PDGFRA: variants seen among roughly 807,000 people sequenced by gnomAD.
PDGFRA encodes the protein platelet-derived growth factor receptor alpha.
A neutral mutation model predicts 121.5 loss-of-function variants in PDGFRA; 25 were observed. The ratio of observed to expected loss-of-function variants is 0.21; its 90% confidence interval spans 0.15 to 0.29. The LOEUF is 0.29. Ranked by LOEUF, PDGFRA falls within the 10% of genes least tolerant of loss-of-function variation. The probability of loss-of-function intolerance (pLI) is 1.00; values close to 1 mark genes in which losing one functional copy is unlikely to be tolerated. For missense variants in PDGFRA, 1,008 were observed against 1,345.1 expected, an observed-to-expected ratio of 0.75 and a Z score of 3.92; for synonymous variants, 463 against 494.8, an observed-to-expected ratio of 0.94 and a Z score of 0.85.
chr4:54,262,056 C>T (rs1722775966), intron 3 of PDGFRA, among the ~76,000 whole-genome samples: 1 of 151,362 alleles, frequency 6.6e-6, no homozygotes, highest in Non-Finnish European at 1.5e-5. Context: ...TTCAGCCTCC[C>T]CAGTAGCTGG....
At chr4:54,254,433 C>T (rs1722237343) in intron 1 of PDGFRA, among the ~76,000 whole-genome samples, 1 of 152,184 alleles carries the variant, frequency 6.6e-6, no homozygotes, top group African/African-American at 2.4e-5. Flanking sequence ...CTTTATATGT[C>T]AGTAAATAAT....
intron 1 of PDGFRA, among the ~76,000 whole-genome samples, chr4:54,232,539 G>A (rs928050285): frequency 6.6e-6 from 1 of 152,178 alleles, no homozygotes; most frequent in East Asian, 1.9e-4. Flanking sequence ...CTCTTGAGGG[G>A]GCAGAGGCGG....
rs1449825367 is a variant in PDGFRA at position 54,290,406 on chromosome 4, A to G, written c.2974A>G (p.Thr992Ala). The G allele has an allele frequency of 1.2e-6, 2 of 1,613,928 alleles. No individual in the cohort carries two copies. The highest frequency in any genetic ancestry group is 4.5e-5 in the East Asian group (2 of 44,882). ...VDSDNAYIGV[T>A]YKNEEDKLKD... ...CTCAGACAATGCATACATTGGTGTC[A>G]CCTACAAAAACGAGGAAGACAAGCT... Residue 992 changes from threonine to alanine, a missense_variant, in exon 22 of 23, where the codon ACC (threonine) becomes GCC (alanine). This residue lies in a region of PDGFRA where 204 missense variants were observed against 243.0 expected (regional missense o/e 0.84). Coordinates refer to ENST00000257290, the MANE Select transcript of PDGFRA (RefSeq NM_006206.6).
At position 54,267,480 on chromosome 4, in the gene PDGFRA, A is replaced by T; in HGVS notation, c.931+20A>T. The stretch of plus-strand genomic sequence containing the variant: ...TCCATGGTACATTCCGCTTTCTAAA[A>T]TGTCAGTTGTCCATGCTGCTCGGGA... On this transcript the variant is annotated intron_variant, in intron 6 of 22. Transcript: ENST00000257290. The T allele has an allele frequency of 6.2e-7, 1 of 1,614,082 alleles. No homozygotes were observed. Among genetic ancestry groups the T allele is most frequent in the Non-Finnish European group, 8.5e-7 (1 of 1,179,946 alleles).
chr4:54,254,627 A>C (rs538679248), intron 1 of PDGFRA, among the ~76,000 whole-genome samples: 1 of 152,354 alleles, frequency 6.6e-6, no homozygotes, highest in South Asian at 2.1e-4. Context: ...TAAATGTGAT[A>C]AAAGCCACGA....
At chr4:54,260,081 G>A (rs976734842) in intron 2 of PDGFRA, among the ~76,000 whole-genome samples, 3 of 152,066 alleles carry the variant, frequency 2.0e-5, no homozygotes, top group African/African-American at 4.8e-5. Flanking sequence ...CTAAATAAGC[G>A]AGACTGAAAT....
rs191188930 is a variant in PDGFRA, at chr4:54,256,174, G to T, written c.-12-2583G>T. 1.5e-3 allele frequency among the ~76,000 whole-genome samples: 226 copies of T among 152,236 alleles called. 1 individual carries two copies. The highest frequency in any genetic ancestry group is 5.5e-3 in the Admixed American group (84 of 15,296). ...AACGCAGGAGGATTGCTTAATCCTAGGAGTTCAAGACCAGCTTGGGCAACA... is the reference window on the plus strand; with the variant it reads ...AACGCAGGAGGATTGCTTAATCCTATGAGTTCAAGACCAGCTTGGGCAACA... On this transcript the variant is annotated intron_variant, in intron 1 of 22. Transcript: ENST00000257290.
chr4:54,249,187 G>C (rs985484565), intron 1 of PDGFRA, among the ~76,000 whole-genome samples: 10 of 152,140 alleles, frequency 6.6e-5, no homozygotes, highest in South Asian at 2.1e-4. Context: ...TGGTTGGTGG[G>C]ACTGTAAACT....
intron 1 of PDGFRA, among the ~76,000 whole-genome samples, chr4:54,240,562 A>G (rs1577674625): frequency 6.6e-6 from 1 of 152,240 alleles, no homozygotes; most frequent in East Asian, 1.9e-4. Flanking sequence ...TAAAGTTATC[A>G]TTTTCTATAA....
At chr4:54,284,493 C>G (rs1190971241) in intron 16 of PDGFRA, among the ~76,000 whole-genome samples, 1 of 151,536 alleles carries the variant, frequency 6.6e-6, no homozygotes, top group Non-Finnish European at 1.5e-5. Context: ...CAGGAAGCTT[C>G]CAATCATGGT....
rs575665949 is a variant in PDGFRA, at chr4:54,260,038, C to G, written c.50-1057C>G. The stretch of plus-strand genomic sequence containing the variant: ...CAGTTCCTTTGCTGCATTGCACTTA[C>G]TCTATTGCAAAAGGAGTAAGTGCAA... On this transcript the variant is annotated intron_variant, in intron 2 of 22. Coordinates refer to ENST00000257290, the MANE Select transcript of PDGFRA (RefSeq NM_006206.6). Among the ~76,000 whole-genome samples, 3 of 152,202 alleles carry G rather than the reference C, an allele frequency of 2.0e-5. No individual in the cohort carries two copies. In the South Asian group the frequency reaches 6.2e-4, roughly 32 times the overall value.
intron 22 of PDGFRA, among the ~76,000 whole-genome samples, chr4:54,293,548 C>T (rs1037403145): frequency 2.6e-5 from 4 of 151,528 alleles, no homozygotes; most frequent in African/African-American, 4.8e-5. Flanking sequence ...CTCATACCTC[C>T]GCCTCCTGAG....
At chr4:54,270,290 A>G (rs1350341163) in intron 7 of PDGFRA, among the ~76,000 whole-genome samples, 1 of 152,232 alleles carries the variant, frequency 6.6e-6, no homozygotes, top group Non-Finnish European at 1.5e-5. Flanking sequence ...TTTTTAAAAA[A>G]GGTAAAAATC....
At chr4:54,267,145 T>C (rs1723070556) in intron 5 of PDGFRA, 144 bp from the exon 6 acceptor site, 1 of 809,456 alleles carries the variant, frequency 1.2e-6, no homozygotes, top group Middle Eastern at 3.5e-4. Context: ...GCCTCCCACC[T>C]TGTCAACATC....
chr4:54,296,643 T>C lies in PDGFRA; in HGVS notation c.*1371T>C, dbSNP rs956030981. 4.3e-6 allele frequency: 1 copy of C among 232,468 alleles called. No homozygotes were observed. The highest frequency in any genetic ancestry group is 8.5e-6 in the Non-Finnish European group (1 of 117,680). The allele number at this position is 232,468 out of a possible 1,614,324, so 14.4% of individuals were successfully genotyped here. A position where few individuals can be genotyped will look rare whatever the true frequency, so the allele number is the denominator to read the frequency against. On this transcript the variant is annotated 3_prime_UTR_variant, in exon 23 of 23. Transcript: ENST00000257290. Reference sequence around the variant, plus strand: ...GGTTTCCATCCTTGAGATTCTGAAGTATGAAGTCTGAGGGAAACCAGAGTC... The same window carrying C: ...GGTTTCCATCCTTGAGATTCTGAAGCATGAAGTCTGAGGGAAACCAGAGTC...
chr4:54,284,458 C>T (rs542351276), intron 16 of PDGFRA, among the ~76,000 whole-genome samples: 1 of 152,120 alleles, frequency 6.6e-6, no homozygotes, highest in Non-Finnish European at 1.5e-5. Context: ...GCAGGCTATA[C>T]AGGCATTTGC....
At chr4:54,262,861 G>T (rs1342607331) in intron 3 of PDGFRA, among the ~76,000 whole-genome samples, 1 of 152,172 alleles carries the variant, frequency 6.6e-6, no homozygotes, top group East Asian at 1.9e-4. Context: ...TTTAATCCGT[G>T]TAAGATTGTC....
intron 1 of PDGFRA, among the ~76,000 whole-genome samples, chr4:54,257,380 G>C (rs1722431299): frequency 6.6e-6 from 1 of 152,176 alleles, no homozygotes; most frequent in African/African-American, 2.4e-5. Context: ...TCTGCCTATG[G>C]AGTAGCCACC....
intron 18 of PDGFRA, 37 bp from the exon 19 acceptor site, chr4:54,287,393 T>A (rs2110340915): frequency 1.2e-6 from 1 of 829,952 alleles, no homozygotes; most frequent in South Asian, 1.3e-5. Flanking sequence ...CATCAGTGAG[T>A]AGACATGGGT....
Sources: allele counts gnomAD v4.1 joint callset (sites outside exome capture counted in the v4.1 genomes callset), GRCh38; gene constraint gnomAD v4.1.1; regional missense constraint gnomAD v4.1.1; transcripts MANE v1.5; gene names NCBI Gene and HGNC (gene_info 2026-07-23, HGNC 2026-07-21).